The following PER1 variants were observed in gnomAD, a reference collection of about 807,000 sequenced individuals.
PER1 encodes the protein period circadian protein homolog 1.
A neutral mutation model predicts 125.9 loss-of-function variants in PER1; 87 were observed. The observed-to-expected ratio is 0.69, with a 90% confidence interval of 0.58 to 0.83. The LOEUF (loss-of-function observed/expected upper bound fraction) is 0.83, where lower values mean the gene tolerates loss of function less well. PER1 is among the 40% of genes least tolerant of loss of function. PER1 has a pLI of 0.00. For synonymous variants in PER1, 801 were observed against 714.7 expected (o/e 1.12, Z -1.93); for missense variants, 1,775 against 1,722.8 (o/e 1.03, Z -0.54).
Position 8,143,758 on chromosome 17 carries a change from T to C in PER1, c.2580A>G (p.Ser860=). 6.4e-7 allele frequency: 1 copy of C among 1,569,966 alleles called. No homozygotes were observed. The highest frequency in any genetic ancestry group is 1.2e-5 in the South Asian group (1 of 85,662). ...AEAPCYVSHP[S]PVPPSTPWPT... Reference sequence around the variant, plus strand: ...GCCAGGGGGTGGAGGGTGGCACGGGTGAGGGGTGTGAGACATAGCAGGGCG... The same window carrying C: ...GCCAGGGGGTGGAGGGTGGCACGGGCGAGGGGTGTGAGACATAGCAGGGCG... The change falls in exon 19 of 23, where the codon TCA becomes TCG. Residue 860 remains serine, a synonymous_variant. Coordinates refer to ENST00000317276, the MANE Select transcript of PER1 (RefSeq NM_002616.3).
intron 18 of PER1, chr17:8,144,206 G>A (rs1048715408): frequency 4.9e-5 from 20 of 406,750 alleles, no homozygotes; most frequent in Non-Finnish European, 7.9e-5. Context: ...GCTCTGGTCC[G>A]CCAAACTCCT....
In PER1 at chr17:8,149,471, C is replaced by T. The variant is rs772525244; in HGVS notation, c.844G>A (p.Ala282Thr). The T allele has an allele frequency of 9.9e-6, 16 of 1,613,098 alleles. No homozygotes were observed. In the South Asian group the frequency reaches 1.6e-4, roughly 17 times the overall value. The change falls in exon 6 of 23, where the codon GCC (alanine) becomes ACC (threonine). Residue 282 changes from alanine to threonine, a missense_variant. Transcript: ENST00000317276. ...CGCTTGGGCACCTCACCTGCTGAGG[C>T]CCCTGTGCCCCAGGTGGGCAGGCGA... Reference protein sequence around the residue: ...PSRLPTWGTGASAGSGLRDFT... With the variant: ...PSRLPTWGTGTSAGSGLRDFT...
At chr17:8,146,839 T>C in intron 14 of PER1, 58 bp downstream of exon 14, 2 of 1,604,202 alleles carry the variant, frequency 1.2e-6, no homozygotes, top group Non-Finnish European at 1.7e-6. Context: ...GGGTTGGGGG[T>C]GAAGGTCAGG....
rs1162671507 is a variant in PER1, at chr17:8,141,395, G to C, written c.3601-55C>G. ...CAGACAGGGTTCTCACTGCTAACCTGCCAGCGCAGCTTCCCACCCCCAGCC... is the reference window on the plus strand; with the variant it reads ...CAGACAGGGTTCTCACTGCTAACCTCCCAGCGCAGCTTCCCACCCCCAGCC... On this transcript the variant is annotated intron_variant, in intron 22 of 22. Coordinates refer to ENST00000317276, the MANE Select transcript of PER1 (RefSeq NM_002616.3). 11 of 1,527,632 alleles carry C rather than the reference G, an allele frequency of 7.2e-6. No individual in the cohort carries two copies. In the East Asian group the frequency reaches 1.8e-4, roughly 25 times the overall value. The allele number at this position is 1,527,632 out of a possible 1,614,324, so 94.6% of individuals were successfully genotyped here.
chr17:8,152,022 G>A (rs999551874), intron 1 of PER1, among the ~76,000 whole-genome samples: 3 of 152,240 alleles, frequency 2.0e-5, no homozygotes, highest in Non-Finnish European at 4.4e-5. Context: ...TCCTGGTACC[G>A]GGGCAAACCT....
chr17:8,151,380 G>T (rs1982852787), intron 1 of PER1, among the ~76,000 whole-genome samples: 1 of 152,170 alleles, frequency 6.6e-6, no homozygotes, highest in Non-Finnish European at 1.5e-5. Context: ...CGGGAGGAGC[G>T]ACCCCTCCCC....
chr17:8,146,436 G>A lies in PER1; in HGVS notation c.1974C>T (p.Thr658=), dbSNP rs1235282072. ...KRKCASSSSY[T]TSSASDDDRQ... ...TGTCGTCGTCAGAGGCTGAGGAGGTGGTATAGGAGGAGGAGGAGGCACATT... is the reference window on the plus strand; with the variant it reads ...TGTCGTCGTCAGAGGCTGAGGAGGTAGTATAGGAGGAGGAGGAGGCACATT... Residue 658 remains threonine, a synonymous_variant, in exon 16 of 23, where the codon ACC becomes ACT. Transcript: ENST00000317276. The A allele has an allele frequency of 6.2e-7, 1 of 1,613,788 alleles. No homozygotes were observed. Among genetic ancestry groups the A allele is most frequent in the South Asian group, 1.1e-5 (1 of 91,022 alleles).
In PER1 at chr17:8,147,675, T is replaced by G. The variant is rs778661426; in HGVS notation, c.1387A>C (p.Thr463Pro). ...AGCTCGGGGGCATGGCCCACTTACG[T>G]GCGTACTTTGTGGCGGCCCAACACG... is the stretch of plus-strand genomic sequence containing the variant. ...AFVLGRHKVR[T>P]APLNEDVFTP... is the part of the protein sequence containing the mutation. The change falls in exon 11 of 23, where the codon ACG (threonine) becomes CCG (proline). Residue 463 changes from threonine to proline, a missense_variant and splice_region_variant. By Grantham distance (38) the Thr-to-Pro change is conservative. Transcript: ENST00000317276. 6.2e-7 allele frequency: 1 copy of G among 1,613,930 alleles called. No homozygotes were observed. Among genetic ancestry groups the G allele is most frequent in the Non-Finnish European group, 8.5e-7 (1 of 1,180,000 alleles).
intron 18 of PER1, 164 bp downstream of exon 18, chr17:8,144,587 G>T: frequency 1.1e-6 from 1 of 908,866 alleles, no homozygotes; most frequent in Non-Finnish European, 1.6e-6. Flanking sequence ...CCCCATCCTA[G>T]TGGGGAGAAG....
chr17:8,148,314 G>T (rs1982592658), intron 8 of PER1, 55 bp from the exon 9 acceptor site: 1 of 1,438,010 alleles, frequency 7.0e-7, no homozygotes, highest in African/African-American at 1.4e-5. Context: ...CAACTCCTCA[G>T]CCCTCCACTC....
At position 8,147,745 on chromosome 17, in the gene PER1, G is replaced by A. The variant is rs73975803; in HGVS notation, c.1317C>T (p.Thr439=). Residue 439 remains threonine (T), a synonymous_variant, in exon 11 of 23, where the codon ACC becomes ACT. Coordinates refer to ENST00000317276, the MANE Select transcript of PER1 (RefSeq NM_002616.3). ...ARNGEYVTMD[T]SWAGFVHPWS... ...AGGGGTGCACAAAGCCAGCCCAGCT[G>A]GTGTCCATGGTGACATACTCCCCGT... 1.9e-4 allele frequency: 308 copies of A among 1,614,088 alleles called. 1 individual carries two copies. The African/African-American group carries it at 3.7e-3, about 19-fold the overall frequency.
rs1982795412 is a variant in PER1, at chr17:8,150,584, C to G, written c.123G>C (p.Leu41=). The change falls in exon 2 of 23, where the codon CTG becomes CTC. Residue 41 remains leucine (L), a synonymous_variant. Transcript: ENST00000317276. ...TGCTGTTGGCATCGGTGTCATCGGC[C>G]AGGCTGGGGCCTGGGCAAGGCCGGT... ...PQHRPCPGPS[L]ADDTDANSNG... 1.9e-6 allele frequency: 3 copies of G among 1,614,064 alleles called. No homozygotes were observed. Among genetic ancestry groups the G allele is most frequent in the Non-Finnish European group, 2.5e-6 (3 of 1,179,996 alleles).
At position 8,142,345 on chromosome 17, in the gene PER1, C is replaced by T. The variant is rs1261037628; in HGVS notation, c.3373G>A (p.Val1125Met). Residue 1125 changes from valine to methionine, a missense_variant, in exon 21 of 23, where the codon GTG (valine) becomes ATG (methionine). Coordinates refer to ENST00000317276, the MANE Select transcript of PER1 (RefSeq NM_002616.3). The part of the protein sequence containing the change: ...AEPGDQVIKY[V>M]LQDPIWLLMA... ...AGCAGCCAAATGGGATCCTGGAGCA[C>T]GTACTTAATCACCTGGTCCCCAGGC... The T allele has an allele frequency of 2.5e-6, 4 of 1,613,892 alleles. No homozygotes were observed. Among genetic ancestry groups the T allele is most frequent in the South Asian group, 2.2e-5 (2 of 91,042 alleles).
In PER1 at chr17:8,143,257, A is replaced by G. The variant is rs1259868777; in HGVS notation, c.3072+9T>C. 2.7e-6 allele frequency: 4 copies of G among 1,499,678 alleles called. No individual in the cohort carries two copies. The highest frequency in any genetic ancestry group is 3.6e-6 in the Non-Finnish European group (4 of 1,122,710). The allele number at this position is 1,499,678 out of a possible 1,614,324, so 92.9% of individuals were successfully genotyped here. ...GGGCTGGCAGGCAGACGCAGGGGTCAGTGCTCACCAGTCTGGCCTCTGGCT... is the reference window on the plus strand; with the variant it reads ...GGGCTGGCAGGCAGACGCAGGGGTCGGTGCTCACCAGTCTGGCCTCTGGCT... On this transcript the variant is annotated intron_variant, in intron 19 of 22. Transcript: ENST00000317276.
chr17:8,142,497 C>A, intron 20 of PER1, 39 bp from the exon 21 acceptor site: 1 of 1,550,388 alleles, frequency 6.4e-7, no homozygotes, highest in Non-Finnish European at 8.7e-7. Context: ...GTCAGGCCGG[C>A]TGCATGCCCA....
In PER1 at chr17:8,150,824, G is replaced by C. The variant is rs1429172105; in HGVS notation, c.-118C>G. ...GAAGATCTAAGTCTCTGAGGGTTGA[G>C]AAGTTCGATCACAGCCAGTACCTGG... is the stretch of plus-strand genomic sequence containing the variant. On this transcript the variant is annotated 5_prime_UTR_variant, in exon 2 of 23. Transcript: ENST00000317276. The C allele has an allele frequency of 5.1e-6, 5 of 977,850 alleles. No individual in the cohort carries two copies. The East Asian group carries it at 1.3e-4, about 25-fold the overall frequency. 60.6% of individuals were successfully genotyped at this position (977,850 alleles called of 1,614,324 possible). A position where few individuals can be genotyped will look rare whatever the true frequency, so the allele number is the denominator to read the frequency against.
intron 16 of PER1, 57 bp from the exon 17 acceptor site, chr17:8,146,194 G>A (rs1489792658): frequency 1.3e-6 from 2 of 1,545,644 alleles, no homozygotes; most frequent in South Asian, 1.2e-5. Context: ...AGTCAGGAGA[G>A]AGGATCCCAG....
At chr17:8,151,987 G>C (rs925635721) in intron 1 of PER1, among the ~76,000 whole-genome samples, 13 of 152,236 alleles carry the variant, frequency 8.5e-5, no homozygotes, top group Non-Finnish European at 1.5e-4. Context: ...ACAGAGACAC[G>C]GGGAGCGCTG....
intron 12 of PER1, 21 bp downstream of exon 12, chr17:8,147,449 C>T: frequency 6.2e-7 from 1 of 1,612,912 alleles, no homozygotes; most frequent in Non-Finnish European, 8.5e-7. Flanking sequence ...ACCTCCCAGG[C>T]TCCCTCTCCG....
Sources: gnomAD v4.1 joint callset for allele counts (sites outside exome capture counted in the v4.1 genomes callset) on GRCh38, gnomAD v4.1.1 for gene constraint, MANE v1.5 for transcripts, NCBI Gene and HGNC (gene_info 2026-07-23, HGNC 2026-07-21) for gene names.